Variants in TPP2 observed in about 807,000 individuals in gnomAD.
TPP2 encodes the protein tripeptidyl-peptidase 2.
Under a neutral mutation model 155.9 loss-of-function variants are expected in TPP2, and 34 were observed. That is an observed-to-expected ratio of 0.22 (90% CI 0.17 to 0.29). The LOEUF is 0.29. Ranked by LOEUF, TPP2 falls within the 10% of genes least tolerant of loss-of-function variation. TPP2 has a pLI of 1.00. For synonymous variants in TPP2, 510 were observed against 529.4 expected (o/e 0.96, Z 0.50); for missense variants, 1,028 against 1,522.3 (o/e 0.68, Z 5.40).
intron 2 of TPP2, among the ~76,000 whole-genome samples, chr13:102,611,882 T>C (rs1258728121): frequency 6.6e-6 from 1 of 152,206 alleles, no homozygotes; most frequent in Admixed American, 6.5e-5. Context: ...TGTTCCACAA[T>C]TTTCACTCTA....
At chr13:102,648,835 T>G in intron 21 of TPP2, 72 bp from the exon 22 acceptor site, 2 of 1,509,096 alleles carry the variant, frequency 1.3e-6, no homozygotes, top group Non-Finnish European at 1.8e-6. Context: ...AACTTTCACT[T>G]TATCCTCTTT....
chr13:102,625,358 G>T (rs999185028), intron 6 of TPP2, among the ~76,000 whole-genome samples: 1 of 150,290 alleles, frequency 6.7e-6, no homozygotes, highest in African/African-American at 2.5e-5. Context: ...TAGAGACGGG[G>T]TTTCACCGTG....
intron 1 of TPP2, among the ~76,000 whole-genome samples, chr13:102,601,799 T>G (rs1003032362): frequency 6.6e-6 from 1 of 152,196 alleles, no homozygotes; most frequent in Non-Finnish European, 1.5e-5. Context: ...TTTCTGTTTT[T>G]GTCTTTTTAT....
At chr13:102,633,134 G>C (rs549404309) in intron 10 of TPP2, among the ~76,000 whole-genome samples, 1 of 152,346 alleles carries the variant, frequency 6.6e-6, no homozygotes, top group African/African-American at 2.4e-5. Context: ...GGAGGCGGAA[G>C]TGTGCTATTC....
chr13:102,647,411 T>A (rs1484348554), intron 21 of TPP2, 67 bp downstream of exon 21: 1 of 1,554,394 alleles, frequency 6.4e-7, no homozygotes, highest in East Asian at 2.3e-5. Flanking sequence ...AATCCTGGTT[T>A]CTTGTTATGG....
intron 27 of TPP2, among the ~76,000 whole-genome samples, chr13:102,671,173 G>A (rs618260): frequency 0.66 from 100,973 of 152,054 alleles, 33,727 homozygotes; most frequent in Middle Eastern, 0.7. Context: ...AAAAGCAGTC[G>A]TTTAAGTCAA....
chr13:102,631,677 G>A (rs1005413242), intron 10 of TPP2: 5 of 152,154 alleles, frequency 3.3e-5, no homozygotes, highest in Admixed American at 6.5e-5. Flanking sequence ...TGAATTATGG[G>A]GGAAGCTTGG....
chr13:102,642,093 A>G (rs142470742), intron 16 of TPP2, among the ~76,000 whole-genome samples: 98 of 152,314 alleles, frequency 6.4e-4, no homozygotes, highest in Non-Finnish European at 1.2e-3. Flanking sequence ...GCAGGTTTCT[A>G]AATTTTCTGG....
rs558617445 is a variant in TPP2, at chr13:102,634,290, G to A, written c.1393+192G>A. ...TCAGCAGTATATTTGTTGGCTGTCC[G>A]CTGTTAACGACTGTCAAGCAGTATT... On this transcript the variant is annotated intron_variant, in intron 11 of 29. Coordinates refer to ENST00000376052, the MANE Select transcript of TPP2 (RefSeq NM_001330588.2). 7.2e-5 allele frequency among the ~76,000 whole-genome samples: 11 copies of A among 152,230 alleles called. No homozygotes were observed. In the East Asian group the frequency reaches 9.6e-4, roughly 13 times the overall value.
At chr13:102,602,041 GCT>G (rs1256101085) in intron 1 of TPP2, among the ~76,000 whole-genome samples, 1 of 152,214 alleles carries the variant, frequency 6.6e-6, no homozygotes, top group East Asian at 1.9e-4. Flanking sequence ...ACTTGTTAGT[GCT>G]CTCTTGTTAT....
At chr13:102,609,414 T>TTTTTTA (rs1880097859) in intron 2 of TPP2, among the ~76,000 whole-genome samples, 10 of 148,310 alleles carry the variant, frequency 6.7e-5, no homozygotes, top group Non-Finnish European at 1.0e-4. Context: ...TTTTTTTTTT[T>TTTTTTA]GAGACGGAGT....
intron 16 of TPP2, among the ~76,000 whole-genome samples, chr13:102,640,641 ATTTTTT>A (rs5806315): frequency 7.1e-5 from 6 of 84,234 alleles, no homozygotes; most frequent in Admixed American, 1.4e-4. Flanking sequence ...CCTGGTAATA[ATTTTTT>A]TTTTTTTTTT....
At chr13:102,651,637 A>G (rs1883494856) in intron 24 of TPP2, among the ~76,000 whole-genome samples, 2 of 152,092 alleles carry the variant, frequency 1.3e-5, no homozygotes, top group South Asian at 2.1e-4. Flanking sequence ...TGTGTATACA[A>G]AAATTTTAAT....
intron 6 of TPP2, 106 bp downstream of exon 6, chr13:102,623,146 G>T: frequency 3.3e-6 from 4 of 1,196,094 alleles, no homozygotes; most frequent in Non-Finnish European, 4.6e-6. Context: ...GCTAGAGATC[G>T]TAGCTAAAGG....
chr13:102,621,962 A>G lies in TPP2; in HGVS notation c.621-915A>G, dbSNP rs145879398. Among the ~76,000 whole-genome samples, 9 of 152,316 alleles carry G rather than the reference A, an allele frequency of 5.9e-5. No individual in the cohort carries two copies. In the East Asian group the frequency reaches 1.5e-3, roughly 26 times the overall value. ...GTTTGCTCTTTGCTTCATTTTCTCC[A>G]TAAGTGTTTAGTTTCCTATACCTTC... On this transcript the variant is annotated intron_variant, in intron 5 of 29. Coordinates refer to ENST00000376052, the MANE Select transcript of TPP2 (RefSeq NM_001330588.2).
intron 25 of TPP2, among the ~76,000 whole-genome samples, chr13:102,658,571 A>C (rs1252307482): frequency 1.3e-5 from 2 of 152,286 alleles, no homozygotes; most frequent in African/African-American, 4.8e-5. Flanking sequence ...ACAACTTTTT[A>C]AAGCCTCTGG....
At chr13:102,662,500 A>G (rs1884300787) in intron 25 of TPP2, among the ~76,000 whole-genome samples, 1 of 152,208 alleles carries the variant, frequency 6.6e-6, no homozygotes, top group Non-Finnish European at 1.5e-5. Context: ...TAAAAACCTT[A>G]GAACATTTTT....
intron 25 of TPP2, among the ~76,000 whole-genome samples, chr13:102,662,800 A>T (rs1372717059): frequency 6.6e-6 from 1 of 152,154 alleles, no homozygotes; most frequent in Non-Finnish European, 1.5e-5. Flanking sequence ...TTGTATGTTA[A>T]TTTGTTTTTA....
At chr13:102,671,547 C>T (rs532130766) in intron 27 of TPP2, among the ~76,000 whole-genome samples, 47 of 152,230 alleles carry the variant, frequency 3.1e-4, no homozygotes, top group South Asian at 1.0e-3. Flanking sequence ...AATGGGCTAG[C>T]GGCTCCGTTT....
Sources: allele counts gnomAD v4.1 joint callset (sites outside exome capture counted in the v4.1 genomes callset), GRCh38; gene constraint gnomAD v4.1.1; transcripts MANE v1.5; gene names NCBI Gene and HGNC (gene_info 2026-07-23, HGNC 2026-07-21).